COLEC10: variants seen among roughly 807,000 people sequenced by gnomAD.
COLEC10 encodes collectin subfamily member 10, also known as collectin-10.
In COLEC10, 22 loss-of-function variants were observed where a neutral mutation model predicts 28.4. The ratio of observed to expected loss-of-function variants is 0.78; its 90% confidence interval spans 0.55 to 1.11. COLEC10 has a LOEUF of 1.11. COLEC10 is among the 50% of genes least tolerant of loss of function. The pLI is 0.00. For synonymous variants in COLEC10, 125 were observed against 116.1 expected, an observed-to-expected ratio of 1.08 and a Z score of -0.49; for missense variants, 361 against 344.1, an observed-to-expected ratio of 1.05 and a Z score of -0.39.
intron 1 of COLEC10, chr8:119,068,200 G>T (rs1486525989): frequency 6.6e-6 from 1 of 152,168 alleles, no homozygotes; most frequent in Non-Finnish European, 1.5e-5. Context: ...TAGGGTAGAA[G>T]AATTGCAGCT....
the COLEC10 span, among the ~76,000 whole-genome samples, chr8:118,979,368 C>T: frequency 6.6e-6 from 1 of 151,722 alleles, no homozygotes; most frequent in African/African-American, 2.4e-5. Flanking sequence ...GTAATGACAT[C>T]CAATATTCCA....
chr8:119,057,249 T>A (rs1477798107), intron 2 of COLEC10, among the ~76,000 whole-genome samples: 2 of 152,100 alleles, frequency 1.3e-5, no homozygotes, highest in African/African-American at 4.8e-5. Context: ...TTCTCATGCC[T>A]CCTTGTGAAG....
intron 1 of COLEC10, among the ~76,000 whole-genome samples, chr8:119,000,119 A>G (rs1341367363): frequency 6.6e-6 from 1 of 152,312 alleles, no homozygotes; most frequent in African/African-American, 2.4e-5. Context: ...TGAGAGCAGG[A>G]CACCTATTCC....
chr8:119,005,514 G>A (rs775962529), intron 1 of COLEC10, among the ~76,000 whole-genome samples: 4 of 152,080 alleles, frequency 2.6e-5, no homozygotes, highest in Non-Finnish European at 4.4e-5. Flanking sequence ...TGCATGGGAC[G>A]ACCTTGATGT....
At chr8:119,065,716 G>A (rs1157923792), upstream of COLEC10, among the ~76,000 whole-genome samples, 1 of 151,816 alleles carries the variant, frequency 6.6e-6, no homozygotes, top group African/African-American at 2.4e-5. Flanking sequence ...AAATTAGCCA[G>A]GTGCAGTGGT....
chr8:119,064,327 A>G (rs1814912272), upstream of COLEC10, among the ~76,000 whole-genome samples: 1 of 152,204 alleles, frequency 6.6e-6, no homozygotes, highest in Admixed American at 6.5e-5. Flanking sequence ...TATGCCAAGA[A>G]AATTTTTTAA....
chr8:118,955,546 T>G, the COLEC10 span, among the ~76,000 whole-genome samples: 1 of 152,192 alleles, frequency 6.6e-6, no homozygotes, highest in Non-Finnish European at 1.5e-5. Flanking sequence ...AAAATTGGCC[T>G]TAATCACACA....
the COLEC10 span, among the ~76,000 whole-genome samples, chr8:118,962,633 A>G: frequency 5.3e-5 from 8 of 152,180 alleles, no homozygotes; most frequent in African/African-American, 1.9e-4. Flanking sequence ...CATGAGATCT[A>G]CTCTCTTAAA....
At chr8:119,040,251 C>T (rs1275238410) in intron 2 of COLEC10, among the ~76,000 whole-genome samples, 3 of 152,140 alleles carry the variant, frequency 2.0e-5, no homozygotes, top group Non-Finnish European at 1.5e-5. Context: ...CCAACCACAA[C>T]AATGACATAC....
chr8:118,998,708 G>C (rs1047761640), intron 1 of COLEC10, among the ~76,000 whole-genome samples: 2 of 151,068 alleles, frequency 1.3e-5, no homozygotes, highest in Non-Finnish European at 3.0e-5. Context: ...TTAGCCAGGC[G>C]TGGTGGCAGG....
chr8:118,971,251 C>T, the COLEC10 span, among the ~76,000 whole-genome samples: 2 of 152,094 alleles, frequency 1.3e-5, no homozygotes, highest in East Asian at 1.9e-4. Context: ...CCATCCTTGG[C>T]ATGCTAGTTG....
chr8:118,966,836 G>A, the COLEC10 span, among the ~76,000 whole-genome samples: 1 of 152,072 alleles, frequency 6.6e-6, no homozygotes, highest in South Asian at 2.1e-4. Context: ...GGGCCGCAAA[G>A]GATCACAGGA....
chr8:119,088,177 GGGAAGGAAA>G (rs1815519861), intron 1 of COLEC10, among the ~76,000 whole-genome samples: 1 of 150,866 alleles, frequency 6.6e-6, no homozygotes, highest in African/African-American at 2.4e-5. Context: ...GAAGGAGAGT[GGGAAGGAAA>G]GGAAGGGAAG....
chr8:119,080,661 G>C (rs995462190), intron 1 of COLEC10, among the ~76,000 whole-genome samples: 1 of 152,024 alleles, frequency 6.6e-6, no homozygotes, highest in African/African-American at 2.4e-5. Context: ...TTCTGTGCTT[G>C]TTGTAACATG....
intron 2 of COLEC10, among the ~76,000 whole-genome samples, chr8:119,059,751 A>G (rs750351052): frequency 5.9e-5 from 9 of 152,054 alleles, no homozygotes; most frequent in Non-Finnish European, 1.2e-4. Context: ...GTATCTTTTC[A>G]AGAACAAATG....
chr8:119,088,397 T>C (rs1815525338), intron 1 of COLEC10, among the ~76,000 whole-genome samples: 2 of 152,172 alleles, frequency 1.3e-5, no homozygotes, highest in African/African-American at 4.8e-5. Flanking sequence ...TTGATCAATC[T>C]CACACCTGGA....
chr8:118,995,243 G>A (rs1304900433), upstream of COLEC10, among the ~76,000 whole-genome samples: 1 of 152,186 alleles, frequency 6.6e-6, no homozygotes, highest in African/African-American at 2.4e-5. Context: ...CTATTGCTAA[G>A]AAAATGCATA....
At chr8:119,055,102 A>G (rs1191084805) in intron 2 of COLEC10, among the ~76,000 whole-genome samples, 3 of 150,932 alleles carry the variant, frequency 2.0e-5, no homozygotes, top group Non-Finnish European at 4.4e-5. Flanking sequence ...ATTTATCTCC[A>G]TAAAAGCAGA....
At chr8:118,968,803 C>T in the COLEC10 span, among the ~76,000 whole-genome samples, 1 of 151,746 alleles carries the variant, frequency 6.6e-6, no homozygotes, top group Non-Finnish European at 1.5e-5. Context: ...CCCAGTGTGT[C>T]ATGTTCCCCT....
Sources: gnomAD v4.1 joint callset for allele counts (sites outside exome capture counted in the v4.1 genomes callset) on GRCh38, gnomAD v4.1.1 for gene constraint, MANE v1.5 for transcripts, NCBI Gene and HGNC (gene_info 2026-07-23, HGNC 2026-07-21) for gene names.